PCDH7: variants seen among roughly 807,000 people sequenced by gnomAD.
The protein encoded by PCDH7 is protocadherin 7, also known as protocadherin-7.
Under a neutral mutation model 58.9 loss-of-function variants are expected in PCDH7, and 17 were observed. That is an observed-to-expected ratio of 0.29 (90% CI 0.20 to 0.43). The LOEUF (loss-of-function observed/expected upper bound fraction) is 0.43. Ranked by LOEUF, PCDH7 falls within the 20% of genes least tolerant of loss-of-function variation. The pLI, the probability that PCDH7 is intolerant of heterozygous loss-of-function variation, is 1.00. For missense variants in PCDH7, 1,274 were observed against 1,441.0 expected, an observed-to-expected ratio of 0.88 and a Z score of 1.88; for synonymous variants, 664 against 616.4, an observed-to-expected ratio of 1.08 and a Z score of -1.14.
intron 3 of PCDH7, among the ~76,000 whole-genome samples, chr4:30,972,755 T>G (rs1262561486): frequency 6.6e-6 from 1 of 152,142 alleles, no homozygotes; most frequent in African/African-American, 2.4e-5. Flanking sequence ...ATATAAAAAT[T>G]TAGGCACAAT....
At chr4:30,744,052 A>G (rs1717436684) in intron 1 of PCDH7, among the ~76,000 whole-genome samples, 1 of 152,108 alleles carries the variant, frequency 6.6e-6, no homozygotes, top group South Asian at 2.1e-4. Context: ...TCAGTTTATG[A>G]TAGTCTGAGG....
chr4:30,937,269 C>T (rs1466440675), intron 2 of PCDH7, among the ~76,000 whole-genome samples: 3 of 151,832 alleles, frequency 2.0e-5, no homozygotes, highest in Non-Finnish European at 4.4e-5. Flanking sequence ...CAGATTTTTC[C>T]TTCAAATTTT....
chr4:30,946,690 T>TTGTGTGTGTGTGTGTGTGTGTGTGTG (rs112524366), intron 2 of PCDH7, among the ~76,000 whole-genome samples: 35 of 137,632 alleles, frequency 2.5e-4, no homozygotes, highest in African/African-American at 8.9e-4. Context: ...CTTATCTCTT[T>TTGTGTGTGTGTGTGTGTGTGTGTGTG]TGTGTGTGTG....
At chr4:30,930,947 A>G (rs1318139081) in intron 2 of PCDH7, among the ~76,000 whole-genome samples, 1 of 152,100 alleles carries the variant, frequency 6.6e-6, no homozygotes, top group African/African-American at 2.4e-5. Context: ...TCTAAAAAAA[A>G]CAGAACACAA....
chr4:30,824,997 G>A (rs1036018775), intron 1 of PCDH7, among the ~76,000 whole-genome samples: 1 of 152,066 alleles, frequency 6.6e-6, no homozygotes, highest in African/African-American at 2.4e-5. Flanking sequence ...AGATGTACAA[G>A]GCATATATAA....
intron 1 of PCDH7, among the ~76,000 whole-genome samples, chr4:30,837,141 T>A (rs1730579773): frequency 6.6e-6 from 1 of 152,118 alleles, no homozygotes; most frequent in African/African-American, 2.4e-5. Flanking sequence ...GATTGTATGA[T>A]AAGTAGTGTA....
chr4:30,875,469 CT>C (rs1415702569), intron 1 of PCDH7, among the ~76,000 whole-genome samples: 3 of 152,058 alleles, frequency 2.0e-5, no homozygotes, highest in African/African-American at 7.2e-5. Flanking sequence ...TGAAATCCAT[CT>C]CTTTAATGTT....
At chr4:30,819,864 C>T (rs1452869035) in intron 1 of PCDH7, among the ~76,000 whole-genome samples, 1 of 152,074 alleles carries the variant, frequency 6.6e-6, no homozygotes, top group Non-Finnish European at 1.5e-5. Flanking sequence ...CTCCTATCTT[C>T]AAGAGCGGTA....
At chr4:31,123,656 T>G (rs999790864) in intron 3 of PCDH7, among the ~76,000 whole-genome samples, 1 of 152,162 alleles carries the variant, frequency 6.6e-6, no homozygotes, top group African/African-American at 2.4e-5. Context: ...GTTAAACAGC[T>G]CAGTGAAGAA....
chr4:30,818,419 T>C (rs1163286662), intron 1 of PCDH7, among the ~76,000 whole-genome samples: 1 of 152,172 alleles, frequency 6.6e-6, no homozygotes, highest in Non-Finnish European at 1.5e-5. Context: ...GGAAGCCTTA[T>C]GGTCAAGAAA....
chr4:31,092,552 G>A (rs988410995), intron 3 of PCDH7, among the ~76,000 whole-genome samples: 1 of 151,994 alleles, frequency 6.6e-6, no homozygotes. Context: ...TATGGTGGGG[G>A]TTAAAGACCT....
At chr4:31,036,312 A>G (rs1483890843) in intron 3 of PCDH7, among the ~76,000 whole-genome samples, 2 of 152,070 alleles carry the variant, frequency 1.3e-5, no homozygotes, top group East Asian at 1.9e-4. Flanking sequence ...CAGCCTCCTC[A>G]GTAGCGGGGA....
rs538085533 is a variant in PCDH7, at chr4:30,724,116, A to G, written c.2694A>G (p.Val898=). ...CGGTGATTCTAATCATCTTAATTGTAGTGATGGCAAGGTACTGCAGGTCCA... is the reference window on the plus strand; with the variant it reads ...CGGTGATTCTAATCATCTTAATTGTGGTGATGGCAAGGTACTGCAGGTCCA... The change falls in exon 1 of 2, where the codon GTA becomes GTG. Residue 898 remains valine (V), a synonymous_variant. Transcript: ENST00000361762. 4.3e-6 allele frequency: 7 copies of G among 1,614,064 alleles called. No individual in the cohort carries two copies. In the South Asian group the frequency reaches 7.7e-5, roughly 18 times the overall value.
chr4:30,858,252 A>G (rs183599199), intron 1 of PCDH7, among the ~76,000 whole-genome samples: 1 of 152,142 alleles, frequency 6.6e-6, no homozygotes, highest in Non-Finnish European at 1.5e-5. Context: ...TTTCTTTATC[A>G]CTAATTCAGC....
intron 3 of PCDH7, chr4:30,987,635 T>C (rs1021239603): frequency 6.6e-6 from 1 of 152,072 alleles, no homozygotes; most frequent in Non-Finnish European, 1.5e-5. Context: ...CTGGGGAACA[T>C]AGTGAGAACT....
At chr4:31,124,862 T>C (rs956436593) in intron 3 of PCDH7, among the ~76,000 whole-genome samples, 3 of 152,190 alleles carry the variant, frequency 2.0e-5, no homozygotes, top group African/African-American at 7.2e-5. Flanking sequence ...ATCATACTCC[T>C]TTTTTCTGTT....
At chr4:30,799,098 TAG>T (rs1334042482) in intron 1 of PCDH7, among the ~76,000 whole-genome samples, 11 of 152,216 alleles carry the variant, frequency 7.2e-5, no homozygotes, top group African/African-American at 2.2e-4. Context: ...ACATAGTCTG[TAG>T]AGTTACTTTT....
chr4:30,907,500 T>C (rs186892128), intron 1 of PCDH7, among the ~76,000 whole-genome samples: 1 of 152,290 alleles, frequency 6.6e-6, no homozygotes, highest in East Asian at 1.9e-4. Context: ...TATGCAAAAA[T>C]GCTTATCATC....
downstream of PCDH7, among the ~76,000 whole-genome samples, chr4:30,736,546 T>C (rs1395257645): frequency 6.7e-6 from 1 of 149,632 alleles, no homozygotes; most frequent in African/African-American, 2.4e-5. Flanking sequence ...TTTTTTTTTT[T>C]TTTTTTTGAG....
Sources: gnomAD v4.1 joint callset for allele counts (sites outside exome capture counted in the v4.1 genomes callset) on GRCh38, gnomAD v4.1.1 for gene constraint, MANE v1.5 for transcripts, NCBI Gene and HGNC (gene_info 2026-07-23, HGNC 2026-07-21) for gene names.